The following TMEM62 variants were observed in gnomAD, a reference collection of about 807,000 sequenced individuals.
The protein encoded by TMEM62 is transmembrane protein 62.
In TMEM62, 41 loss-of-function variants were observed where a neutral mutation model predicts 70.4. That is an observed-to-expected ratio of 0.58 (90% CI 0.45 to 0.76). The LOEUF is 0.76. TMEM62 is among the 30% of genes least tolerant of loss of function. TMEM62 has a pLI of 0.00. For missense variants in TMEM62, 688 were observed against 788.5 expected, an observed-to-expected ratio of 0.87 and a Z score of 1.53; for synonymous variants, 268 against 291.0, an observed-to-expected ratio of 0.92 and a Z score of 0.80.
intron 10 of TMEM62, among the ~76,000 whole-genome samples, chr15:43,161,111 C>T (rs901964391): frequency 4.6e-5 from 7 of 152,038 alleles, no homozygotes; most frequent in African/African-American, 1.7e-4. Context: ...TCGGTACTAT[C>T]TGTGTTTTCA....
At chr15:43,166,937 T>A (rs1567221737) in intron 10 of TMEM62, among the ~76,000 whole-genome samples, 1 of 152,198 alleles carries the variant, frequency 6.6e-6, no homozygotes, top group Non-Finnish European at 1.5e-5. Flanking sequence ...TGTCTACCTC[T>A]TTCTACACAG....
chr15:43,176,137 G>A (rs994082851), intron 11 of TMEM62, among the ~76,000 whole-genome samples: 27 of 152,222 alleles, frequency 1.8e-4, no homozygotes, highest in Non-Finnish European at 3.7e-4. Context: ...GGGGAGGGGC[G>A]CCCGCCATTG....
At chr15:43,148,242 A>G (rs978100930) in intron 5 of TMEM62, among the ~76,000 whole-genome samples, 3 of 152,322 alleles carry the variant, frequency 2.0e-5, no homozygotes, top group Admixed American at 6.5e-5. Context: ...TTTGCTCAGT[A>G]TAATGTTTCT....
chr15:43,184,949 G>T lies in TMEM62; in HGVS notation c.*363G>T. 1 of 276,652 alleles carries T rather than the reference G, an allele frequency of 3.6e-6. No homozygotes were observed. The highest frequency in any genetic ancestry group is 5.3e-5 in the South Asian group (1 of 18,790). The allele number at this position is 276,652 out of a possible 1,614,324, so 17.1% of individuals were successfully genotyped here. A position where few individuals can be genotyped will look rare whatever the true frequency, so the allele number is the denominator to read the frequency against. ...GGTTACCCCATGTAAAGCACTTACC[G>T]CTGTGCTTGGAATTCAGCAGCTGTC... On this transcript the variant is annotated 3_prime_UTR_variant, in exon 14 of 14. Transcript: ENST00000260403.
intron 4 of TMEM62, among the ~76,000 whole-genome samples, chr15:43,140,145 C>G (rs1487050349): frequency 6.6e-6 from 1 of 152,142 alleles, no homozygotes; most frequent in African/African-American, 2.4e-5. Context: ...CTTGCAGTCT[C>G]TAGGTCACTT....
chr15:43,175,296 G>C (rs1003436840), intron 11 of TMEM62, among the ~76,000 whole-genome samples: 3 of 152,206 alleles, frequency 2.0e-5, no homozygotes, highest in African/African-American at 7.2e-5. Context: ...ATAAAATGAA[G>C]TGTTAGGCTG....
intron 11 of TMEM62, among the ~76,000 whole-genome samples, chr15:43,173,487 G>A (rs2040413998): frequency 6.6e-6 from 1 of 152,174 alleles, no homozygotes; most frequent in Non-Finnish European, 1.5e-5. Flanking sequence ...CCACAGTCTA[G>A]TCTTATTTAA....
At chr15:43,147,758 C>A (rs934088216) in intron 5 of TMEM62, among the ~76,000 whole-genome samples, 1 of 152,114 alleles carries the variant, frequency 6.6e-6, no homozygotes, top group Non-Finnish European at 1.5e-5. Flanking sequence ...AAATCCCATT[C>A]CTTAGTATAG....
At position 43,146,640 on chromosome 15, in the gene TMEM62, G is replaced by C. The variant is rs199951211; in HGVS notation, c.618+6G>C. On this transcript the variant is annotated splice_donor_region_variant and intron_variant, in intron 5 of 13. Transcript: ENST00000260403. ...TCTTTGGAATTTTAGATAAGGTGCA[G>C]TAAAAATCTTACTTCCCTTTGTAGC... is the stretch of plus-strand genomic sequence containing the variant. 1.6e-5 allele frequency: 26 copies of C among 1,602,920 alleles called. No individual in the cohort carries two copies. The East Asian group carries it at 5.8e-4, about 36-fold the overall frequency.
chr15:43,183,988 C>T (rs183215200), intron 13 of TMEM62: 17 of 459,290 alleles, frequency 3.7e-5, no homozygotes, highest in African/African-American at 2.7e-4. Flanking sequence ...AGCTTAACAC[C>T]ATTGGGTATT....
At chr15:43,179,759 T>C (rs2041159438) in intron 12 of TMEM62, 1 of 152,212 alleles carries the variant, frequency 6.6e-6, no homozygotes, top group Admixed American at 6.5e-5. Context: ...TTATCCTCCC[T>C]TTGCACTTTG....
intron 8 of TMEM62, among the ~76,000 whole-genome samples, chr15:43,153,642 A>G (rs1222098855): frequency 6.6e-6 from 1 of 150,778 alleles, no homozygotes; most frequent in Non-Finnish European, 1.5e-5. Context: ...AAGGCTGAAT[A>G]ATGTTCCATT....
intron 1 of TMEM62, 69 bp from the exon 2 acceptor site, chr15:43,134,188 C>A: frequency 1.9e-6 from 3 of 1,549,180 alleles, no homozygotes; most frequent in Non-Finnish European, 2.7e-6. Flanking sequence ...GAGAGAGCCG[C>A]TGAGCCGCCC....
chr15:43,171,450 C>T (rs2040180656), intron 11 of TMEM62, among the ~76,000 whole-genome samples: 1 of 151,818 alleles, frequency 6.6e-6, no homozygotes, highest in Non-Finnish European at 1.5e-5. Flanking sequence ...TTCCATTATT[C>T]TCCTAAACTC....
In TMEM62 at chr15:43,146,509, C is replaced by A. The variant is rs375267188; in HGVS notation, c.493C>A (p.Arg165Ser). The A allele has an allele frequency of 2.5e-6, 4 of 1,612,694 alleles. No individual in the cohort carries two copies. In the African/African-American group the frequency reaches 5.3e-5, roughly 22 times the overall value. Residue 165 changes from arginine (R) to serine (S), a missense_variant, in exon 5 of 14, where the codon CGT becomes AGT. Physicochemically the swap from Arg to Ser is moderately radical, Grantham distance 110. Coordinates refer to ENST00000260403, the MANE Select transcript of TMEM62 (RefSeq NM_024956.4). The part of the protein sequence containing the change: ...KNYYRKYSAV[R>S]RDGSFHYVHS... ...ATTTTTTAGGAAATATTCTGCTGTA[C>A]GTAGAGATGGCTCTTTCCATTATGT...
At chr15:43,171,757 A>G (rs951314204) in intron 11 of TMEM62, among the ~76,000 whole-genome samples, 2 of 151,002 alleles carry the variant, frequency 1.3e-5, no homozygotes, top group African/African-American at 4.9e-5. Context: ...CCTCCCAAGT[A>G]GATGGGACTA....
Position 43,133,800 on chromosome 15 carries a change from G to C in TMEM62, c.-3G>C. On this transcript the variant is annotated 5_prime_UTR_variant, in exon 1 of 14. Coordinates refer to ENST00000260403, the MANE Select transcript of TMEM62 (RefSeq NM_024956.4). Reference sequence around the variant, plus strand: ...GAGGGCCGCGCCCCGGCGGGCGGGCGGCATGGCTGCAGTGCTGGCTCTCAG... The same window carrying C: ...GAGGGCCGCGCCCCGGCGGGCGGGCCGCATGGCTGCAGTGCTGGCTCTCAG... 2.2e-6 allele frequency: 3 copies of C among 1,373,656 alleles called. No homozygotes were observed. The highest frequency in any genetic ancestry group is 2.8e-6 in the Non-Finnish European group (3 of 1,071,108). The allele number at this position is 1,373,656 out of a possible 1,614,324, so 85.1% of individuals were successfully genotyped here. A position where few individuals can be genotyped will look rare whatever the true frequency, so the allele number is the denominator to read the frequency against.
chr15:43,161,126 T>A (rs1381457292), intron 10 of TMEM62, among the ~76,000 whole-genome samples: 2 of 152,182 alleles, frequency 1.3e-5, no homozygotes, highest in Non-Finnish European at 2.9e-5. Flanking sequence ...TTTTCAGGCA[T>A]CCACTGGGGG....
At chr15:43,146,382 A>G in intron 4 of TMEM62, 111 bp from the exon 5 acceptor site, 1 of 1,020,358 alleles carries the variant, frequency 9.8e-7, no homozygotes, top group Non-Finnish European at 1.4e-6. Context: ...TATTTCTGTC[A>G]GATCAGCAAA....
Sources: gnomAD v4.1 joint callset for allele counts (sites outside exome capture counted in the v4.1 genomes callset) on GRCh38, gnomAD v4.1.1 for gene constraint, MANE v1.5 for transcripts, NCBI Gene and HGNC (gene_info 2026-07-23, HGNC 2026-07-21) for gene names.